The following PCDHA13 variants were observed in gnomAD, a reference collection of about 807,000 sequenced individuals.
PCDHA13 encodes protocadherin alpha-13.
In PCDHA13, 54 loss-of-function variants were observed where a neutral mutation model predicts 64.8. That is an observed-to-expected ratio of 0.83 (90% confidence interval 0.67 to 1.04). PCDHA13 has a LOEUF of 1.04. Among genes scored for constraint, PCDHA13 ranks in the 50% least tolerant of loss-of-function variants. The pLI, the probability that PCDHA13 is intolerant of heterozygous loss-of-function variation, is 0.00. For missense variants in PCDHA13, 1,248 were observed against 1,254.3 expected (o/e 0.99, Z 0.08); for synonymous variants, 587 against 564.4 (o/e 1.04, Z -0.57).
At chr5:140,955,312 C>T (rs1022804259) in intron 1 of PCDHA13, among the ~76,000 whole-genome samples, 2 of 152,100 alleles carry the variant, frequency 1.3e-5, no homozygotes, top group Admixed American at 6.6e-5. Flanking sequence ...ACCCAAATCT[C>T]ACCTTGAATT....
intron 3 of PCDHA13, among the ~76,000 whole-genome samples, chr5:141,006,716 C>T (rs904868679): frequency 2.0e-5 from 3 of 151,786 alleles, no homozygotes; most frequent in Non-Finnish European, 2.9e-5. Flanking sequence ...ATTTAGGAGG[C>T]AGAAATGACA....
intron 1 of PCDHA13, chr5:140,926,562 C>CT (rs1271947865): frequency 1.6e-5 from 4 of 250,352 alleles, no homozygotes; most frequent in African/African-American, 8.9e-5. Context: ...CAGCCCGCTG[C>CT]TACTGGAGAC....
chr5:140,979,048 C>T, intron 2 of PCDHA13, 41 bp downstream of exon 2: 2 of 1,611,774 alleles, frequency 1.2e-6, no homozygotes, highest in East Asian at 2.2e-5. Context: ...GTAACCTTAA[C>T]TTGGTATGGC....
intron 1 of PCDHA13, among the ~76,000 whole-genome samples, chr5:140,893,419 G>A (rs2063984571): frequency 6.6e-6 from 1 of 152,158 alleles, no homozygotes; most frequent in African/African-American, 2.4e-5. Context: ...TAGGGAGGCA[G>A]AGGCAGGAAG....
rs781919488 is a variant in PCDHA13 at position 141,010,129 on chromosome 5, G to T, written c.*192G>T. 1 of 1,601,910 alleles carries T rather than the reference G, an allele frequency of 6.2e-7. No individual in the cohort carries two copies. Among genetic ancestry groups the T allele is most frequent in the East Asian group, 2.2e-5 (1 of 44,578 alleles). ...TGTCGTAAAAGCTTTACTAAGTCTGGTGTTAACTCTTTCTCTCCACTCTGG... is the reference window on the plus strand; with the variant it reads ...TGTCGTAAAAGCTTTACTAAGTCTGTTGTTAACTCTTTCTCTCCACTCTGG... On this transcript the variant is annotated 3_prime_UTR_variant, in exon 4 of 4. Transcript: ENST00000289272.
rs140124026 is a variant in PCDHA13, at chr5:140,973,683, C to T, written c.2395-5266C>T. On this transcript the variant is annotated intron_variant, in intron 1 of 3. Coordinates refer to ENST00000289272, the MANE Select transcript of PCDHA13 (RefSeq NM_018904.3). ...TTTATTGTAGCTTGAATGTCATTGG[C>T]CTACTGTTTCCTTCTGACCCAGGAG... is the stretch of plus-strand genomic sequence containing the variant. Among the ~76,000 whole-genome samples, 5 of 152,316 alleles carry T rather than the reference C, an allele frequency of 3.3e-5. No homozygotes were observed. The East Asian group carries it at 7.7e-4, about 24-fold the overall frequency.
chr5:140,967,841 A>G, intron 1 of PCDHA13: 1 of 1,614,114 alleles, frequency 6.2e-7, no homozygotes, highest in Non-Finnish European at 8.5e-7. Flanking sequence ...CGTGGACGTG[A>G]ATGACAATGC....
chr5:140,996,341 C>T (rs1554255109), intron 3 of PCDHA13, among the ~76,000 whole-genome samples: 2 of 152,160 alleles, frequency 1.3e-5, no homozygotes, highest in African/African-American at 4.8e-5. Context: ...AGTTTGAAAA[C>T]CCAACCAAAG....
At chr5:140,952,675 T>A (rs2153696875) in intron 1 of PCDHA13, among the ~76,000 whole-genome samples, 1 of 152,326 alleles carries the variant, frequency 6.6e-6, no homozygotes, top group East Asian at 1.9e-4. Context: ...ACTTTCACAT[T>A]TTCAGGATCT....
intron 1 of PCDHA13, chr5:140,968,109 A>G (rs2096220086): frequency 6.2e-7 from 1 of 1,614,046 alleles, no homozygotes; most frequent in African/African-American, 1.3e-5. Context: ...GGAATACCGC[A>G]GCTCACATCC....
intron 1 of PCDHA13, chr5:140,927,062 T>C: frequency 6.2e-7 from 1 of 1,611,326 alleles, no homozygotes; most frequent in Non-Finnish European, 8.5e-7. Flanking sequence ...AACTTTCGCT[T>C]CCTTTCCAGC....
chr5:140,883,403 T>G lies in PCDHA13; in HGVS notation c.1135T>G (p.Ser379Ala). The G allele has an allele frequency of 6.2e-7, 1 of 1,614,168 alleles. No homozygotes were observed. The highest frequency in any genetic ancestry group is 8.5e-7 in the Non-Finnish European group (1 of 1,180,040). ...IALISVSDRDSGSNGQVTCTL... is the reference protein window; with the variant it reads ...IALISVSDRDAGSNGQVTCTL... ...CCTAATCAGTGTGTCCGATCGTGAC[T>G]CTGGCTCAAATGGACAGGTCACCTG... The change falls in exon 1 of 4, where the codon TCT becomes GCT. Residue 379 changes from serine (S) to alanine (A), a missense_variant. Physicochemically the swap from Ser to Ala is moderately conservative, Grantham distance 99. Transcript: ENST00000289272.
intron 3 of PCDHA13, among the ~76,000 whole-genome samples, chr5:140,995,889 A>G (rs1007675217): frequency 1.3e-5 from 2 of 152,202 alleles, no homozygotes; most frequent in African/African-American, 4.8e-5. Context: ...CTTCAGATTT[A>G]TCAATGTATA....
At chr5:140,976,753 G>A (rs2096729890) in intron 1 of PCDHA13, among the ~76,000 whole-genome samples, 1 of 152,130 alleles carries the variant, frequency 6.6e-6, no homozygotes. Context: ...CCTCCCAGAT[G>A]CCAGAAGCCT....
intron 1 of PCDHA13, among the ~76,000 whole-genome samples, chr5:140,955,335 A>G (rs538609650): frequency 6.6e-6 from 1 of 152,266 alleles, no homozygotes; most frequent in South Asian, 2.1e-4. Flanking sequence ...AGTTCCCATA[A>G]TCCCCACATG....
At chr5:140,983,822 T>C (rs1453990514) in intron 3 of PCDHA13, among the ~76,000 whole-genome samples, 2 of 152,216 alleles carry the variant, frequency 1.3e-5, no homozygotes, top group Non-Finnish European at 2.9e-5. Flanking sequence ...TTCCCAAAAA[T>C]AATCAGATGC....
chr5:140,991,588 C>T (rs1252872687), intron 3 of PCDHA13, among the ~76,000 whole-genome samples: 3 of 152,212 alleles, frequency 2.0e-5, no homozygotes, highest in African/African-American at 7.2e-5. Flanking sequence ...TTATTTCTAC[C>T]TGAGCCCTCA....
At chr5:140,966,454 C>T (rs897696652) in intron 1 of PCDHA13, 6 of 426,406 alleles carry the variant, frequency 1.4e-5, no homozygotes, top group Admixed American at 4.4e-5. Flanking sequence ...TCCCCCTCCC[C>T]CTCTGTCTTC....
intron 3 of PCDHA13, among the ~76,000 whole-genome samples, chr5:141,007,992 C>T (rs1215200964): frequency 1.3e-5 from 2 of 152,132 alleles, no homozygotes; most frequent in Admixed American, 6.5e-5. Context: ...ATGAAATGTA[C>T]ATGTTAATAA....
Sources: allele counts gnomAD v4.1 joint callset (sites outside exome capture counted in the v4.1 genomes callset), GRCh38; gene constraint gnomAD v4.1.1; transcripts MANE v1.5; gene names NCBI Gene and HGNC (gene_info 2026-07-23, HGNC 2026-07-21).